The following ALK variants were observed in gnomAD, a reference collection of about 807,000 sequenced individuals.
The protein encoded by ALK is ALK receptor tyrosine kinase.
ALK carries 74 observed loss-of-function variants against 163.1 expected under a neutral mutation model. That is an observed-to-expected ratio of 0.45 (90% confidence interval 0.38 to 0.55). The LOEUF is 0.55. ALK is among the 20% of genes least tolerant of loss of function. The pLI is 0.00. For synonymous variants in ALK, 960 were observed against 843.2 expected (o/e 1.14, Z -2.40); for missense variants, 2,063 against 2,105.3 (o/e 0.98, Z 0.39).
intron 1 of ALK, among the ~76,000 whole-genome samples, chr2:29,851,496 A>G (rs1665991214): frequency 6.6e-6 from 1 of 152,194 alleles, no homozygotes; most frequent in Non-Finnish European, 1.5e-5. Context: ...AGATTTTATT[A>G]AAGTCATTTT....
chr2:29,287,523 AT>A (rs1464605624), intron 9 of ALK, among the ~76,000 whole-genome samples: 1 of 152,176 alleles, frequency 6.6e-6, no homozygotes. Flanking sequence ...TAGTGTGGTA[AT>A]TCTAACCCTG....
intron 5 of ALK, among the ~76,000 whole-genome samples, chr2:29,369,038 T>C (rs1345127283): frequency 1.3e-5 from 2 of 152,188 alleles, no homozygotes; most frequent in Non-Finnish European, 2.9e-5. Flanking sequence ...GAAAAGACTC[T>C]TCTCAAGACC....
At chr2:29,857,403 GA>G (rs542865822) in intron 1 of ALK, among the ~76,000 whole-genome samples, 1 of 151,566 alleles carries the variant, frequency 6.6e-6, no homozygotes, top group Non-Finnish European at 1.5e-5. Context: ...ATGTTGGAAA[GA>G]AAAAAAAGGG....
At chr2:29,583,711 C>G (rs941849407) in intron 3 of ALK, among the ~76,000 whole-genome samples, 1 of 152,158 alleles carries the variant, frequency 6.6e-6, no homozygotes, top group African/African-American at 2.4e-5. Flanking sequence ...TGTCCCATCT[C>G]TTGCAGTCAC....
chr2:29,831,602 TA>T (rs1426211098), intron 1 of ALK, among the ~76,000 whole-genome samples: 1 of 152,184 alleles, frequency 6.6e-6, no homozygotes, highest in East Asian at 1.9e-4. Flanking sequence ...CTATCATCAC[TA>T]TAATTTACAA....
intron 3 of ALK, among the ~76,000 whole-genome samples, chr2:29,544,626 T>G (rs1673504478): frequency 6.6e-6 from 1 of 152,104 alleles, no homozygotes; most frequent in South Asian, 2.1e-4. Context: ...TATAAATATC[T>G]ATGTGTATGT....
chr2:29,640,708 C>G (rs1414504511), intron 3 of ALK, among the ~76,000 whole-genome samples: 1 of 152,030 alleles, frequency 6.6e-6, no homozygotes, highest in Non-Finnish European at 1.5e-5. Flanking sequence ...GAGTTAGTCT[C>G]GAAAGGACAG....
Position 29,532,005 on chromosome 2 carries a change from A to G in ALK, c.1064T>C (p.Leu355Pro). The change falls in exon 4 of 29, where the codon CTG (leucine) becomes CCG (proline). Residue 355 changes from leucine to proline, a missense_variant. By Grantham distance (98) the Leu-to-Pro change is moderately conservative. Coordinates refer to ENST00000389048, the MANE Select transcript of ALK (RefSeq NM_004304.5). ...CTLAVSVHRH[L>P]QPSGRYIAQL... Reference sequence around the variant, plus strand: ...GGCAATGTACCTTCCAGAGGGCTGCAGGTGCCTGTGCACCGAGACGGCCAG... The same window carrying G: ...GGCAATGTACCTTCCAGAGGGCTGCGGGTGCCTGTGCACCGAGACGGCCAG... The G allele has an allele frequency of 6.2e-7, 1 of 1,614,204 alleles. No homozygotes were observed. The highest frequency in any genetic ancestry group is 8.5e-7 in the Non-Finnish European group (1 of 1,180,026).
intron 4 of ALK, among the ~76,000 whole-genome samples, chr2:29,407,903 G>A (rs72792451): frequency 0.21 from 31,895 of 151,878 alleles, 3,932 homozygotes; most frequent in African/African-American, 0.34. Flanking sequence ...GCTGAAAAAA[G>A]GAATTAAGCC....
chr2:29,558,282 G>A (rs1020925597), intron 3 of ALK, among the ~76,000 whole-genome samples: 1 of 152,156 alleles, frequency 6.6e-6, no homozygotes, highest in Non-Finnish European at 1.5e-5. Context: ...TAGGCTTTCT[G>A]GTTTCATGCT....
intron 4 of ALK, among the ~76,000 whole-genome samples, chr2:29,492,541 G>C (rs7575104): frequency 1 from 152,017 of 152,318 alleles, 75,859 homozygotes; most frequent in Non-Finnish European, 1. Flanking sequence ...TGCTGGATAT[G>C]TCCAGGGCCT....
intron 3 of ALK, among the ~76,000 whole-genome samples, chr2:29,547,946 T>A (rs184767661): frequency 6.6e-6 from 1 of 152,374 alleles, no homozygotes; most frequent in Admixed American, 6.5e-5. Flanking sequence ...AAATATCGCA[T>A]GAGACATGCT....
chr2:29,258,278 G>A (rs1327303835), intron 11 of ALK, among the ~76,000 whole-genome samples: 3 of 152,094 alleles, frequency 2.0e-5, no homozygotes, highest in African/African-American at 4.8e-5. Context: ...AAGACTACAG[G>A]TCATGTTCTT....
chr2:29,450,929 C>T (rs748403677), intron 4 of ALK, among the ~76,000 whole-genome samples: 1 of 152,030 alleles, frequency 6.6e-6, no homozygotes, highest in Non-Finnish European at 1.5e-5. Context: ...TCCGTGGGGG[C>T]GGGGCTCAGG....
intron 1 of ALK, among the ~76,000 whole-genome samples, chr2:29,746,046 C>T (rs1231040952): frequency 6.6e-6 from 1 of 152,194 alleles, no homozygotes; most frequent in African/African-American, 2.4e-5. Flanking sequence ...TATTATCTCA[C>T]TGTTCCTTAC....
At chr2:29,525,884 T>C (rs949174896) in intron 4 of ALK, among the ~76,000 whole-genome samples, 2 of 151,816 alleles carry the variant, frequency 1.3e-5, no homozygotes, top group Non-Finnish European at 2.9e-5. Flanking sequence ...GCTTGAGACC[T>C]ACTATGTTAA....
At chr2:29,483,065 TGGA>T (rs1671700822) in intron 4 of ALK, among the ~76,000 whole-genome samples, 1 of 152,124 alleles carries the variant, frequency 6.6e-6, no homozygotes, top group African/African-American at 2.4e-5. Flanking sequence ...GGCAGGAACT[TGGA>T]AAAGACTGTG....
chr2:29,850,697 G>C (rs374950167), intron 1 of ALK, among the ~76,000 whole-genome samples: 2 of 152,188 alleles, frequency 1.3e-5, no homozygotes, highest in Non-Finnish European at 2.9e-5. Flanking sequence ...CCTAGACTTG[G>C]TTGTACCATC....
At chr2:29,431,902 G>A (rs1385707803) in intron 4 of ALK, among the ~76,000 whole-genome samples, 1 of 151,990 alleles carries the variant, frequency 6.6e-6, no homozygotes, top group Non-Finnish European at 1.5e-5. Context: ...GAGCTCCCAG[G>A]ACAGTAGAGG....
Sources: gnomAD v4.1 joint callset for allele counts (sites outside exome capture counted in the v4.1 genomes callset) on GRCh38, gnomAD v4.1.1 for gene constraint, MANE v1.5 for transcripts, NCBI Gene and HGNC (gene_info 2026-07-23, HGNC 2026-07-21) for gene names.